Variants in DNAAF11 observed in about 807,000 individuals in gnomAD.
DNAAF11 encodes dynein axonemal assembly factor 11, also known as leucine rich repeat containing 6.
In DNAAF11, 45 loss-of-function variants were observed where a neutral mutation model predicts 60.8. The ratio of observed to expected loss-of-function variants is 0.74; its 90% CI spans 0.58 to 0.95. The LOEUF is 0.95. Ranked by LOEUF, DNAAF11 falls within the 40% of genes least tolerant of loss-of-function variation. DNAAF11 has a pLI of 0.00. For synonymous variants in DNAAF11, 191 were observed against 183.5 expected (o/e 1.04, Z -0.33); for missense variants, 546 against 546.2 (o/e 1.00, Z 0.00).
At chr8:132,679,022 A>G (rs771673216), upstream of DNAAF11, among the ~76,000 whole-genome samples, 5 of 151,980 alleles carry the variant, frequency 3.3e-5, no homozygotes, top group Non-Finnish European at 7.4e-5. Context: ...AACACTGCCC[A>G]TGTACTTTGA....
Position 132,638,023 on chromosome 8 carries a change from T to C in DNAAF11, c.341A>G (p.His114Arg). 1 of 1,614,134 alleles carries C rather than the reference T, an allele frequency of 6.2e-7. No homozygotes were observed. Residue 114 changes from histidine to arginine, a missense_variant, in exon 4 of 12, where the codon CAT (histidine) becomes CGT (arginine). His to Arg is a conservative substitution (Grantham distance 29). Transcript: ENST00000620350. ...CCCCATGAGAAAGAGCTCCTTCAGA[T>C]GGATATTGTGCTGCAAGTTTTTAAT... ...SSIKNLQHNI[H>R]LKELFLMGNP...
At chr8:132,643,577 A>G (rs777223131) in intron 3 of DNAAF11, 31 of 453,686 alleles carry the variant, frequency 6.8e-5, no homozygotes, top group South Asian at 1.1e-4. Context: ...TATCCTGTCA[A>G]TGTCATATGA....
chr8:132,611,461 A>G (rs1818662018), intron 8 of DNAAF11, 98 bp from the exon 9 acceptor site: 1 of 631,270 alleles, frequency 1.6e-6, no homozygotes, highest in Non-Finnish European at 2.7e-6. Context: ...TTTTAAATGA[A>G]GGGCGTTTAA....
intron 10 of DNAAF11, among the ~76,000 whole-genome samples, chr8:132,600,848 A>T (rs1315654224): frequency 6.6e-6 from 1 of 152,232 alleles, no homozygotes; most frequent in African/African-American, 2.4e-5. Flanking sequence ...AATACCATTC[A>T]GGACATAGGC....
chr8:132,639,092 G>A (rs1277069956), intron 3 of DNAAF11, among the ~76,000 whole-genome samples: 1 of 152,178 alleles, frequency 6.6e-6, no homozygotes, highest in East Asian at 1.9e-4. Context: ...CAGTAAACAT[G>A]AGCTATGATT....
At chr8:132,579,649 G>C (rs1012392229) in intron 11 of DNAAF11, among the ~76,000 whole-genome samples, 2 of 152,064 alleles carry the variant, frequency 1.3e-5, no homozygotes, top group African/African-American at 2.4e-5. Context: ...GGGGGGAAAG[G>C]GTTGGTCCAA....
Position 132,632,885 on chromosome 8 carries a change from T to C in DNAAF11, c.508A>G (p.Arg170Gly), listed in dbSNP as rs766487177. Residue 170 changes from arginine (R) to glycine (G), a missense_variant, in exon 5 of 12, where the codon AGA (arginine) becomes GGA (glycine). By Grantham distance (125) the Arg-to-Gly change is moderately radical (BLOSUM62 -2). Coordinates refer to ENST00000620350, the MANE Select transcript of DNAAF11 (RefSeq NM_012472.6). ...AGACAGTGATCTTTTTCCTGCTCTC[T>C]GATTTGTGGTTCAATTACTGAATAG... Reference protein sequence around the residue: ...QDYSVIEPQIREQEKDHCLKR... With the variant: ...QDYSVIEPQIGEQEKDHCLKR... 4.3e-6 allele frequency: 7 copies of C among 1,613,858 alleles called. No individual in the cohort carries two copies. In the African/African-American group the frequency reaches 8.0e-5, roughly 18 times the overall value.
intron 3 of DNAAF11, among the ~76,000 whole-genome samples, chr8:132,653,128 A>C (rs1323214871): frequency 6.6e-6 from 1 of 152,238 alleles, no homozygotes; most frequent in African/African-American, 2.4e-5. Context: ...GTATAATACT[A>C]CTAAAATCCA....
At chr8:132,592,480 G>T (rs1816567110) in intron 10 of DNAAF11, among the ~76,000 whole-genome samples, 1 of 152,154 alleles carries the variant, frequency 6.6e-6, no homozygotes, top group Non-Finnish European at 1.5e-5. Context: ...GCTTTAGAAG[G>T]GGAGACAGTA....
At chr8:132,662,636 T>G (rs1824248993) in intron 1 of DNAAF11, among the ~76,000 whole-genome samples, 1 of 152,340 alleles carries the variant, frequency 6.6e-6, no homozygotes, top group South Asian at 2.1e-4. Flanking sequence ...ATTTGTCAGA[T>G]GAGGAAGTAA....
chr8:132,634,554 C>T (rs569342217), intron 4 of DNAAF11, among the ~76,000 whole-genome samples: 2 of 151,870 alleles, frequency 1.3e-5, no homozygotes, highest in African/African-American at 4.8e-5. Flanking sequence ...TTAATTTGAT[C>T]TAATTTAATA....
chr8:132,646,725 C>G (rs1000263074), intron 3 of DNAAF11, among the ~76,000 whole-genome samples: 3 of 152,102 alleles, frequency 2.0e-5, no homozygotes, highest in African/African-American at 7.2e-5. Flanking sequence ...TTTAAACCAA[C>G]AAAGATCAAA....
Position 132,658,331 on chromosome 8 carries a change from CT to C in DNAAF11, c.179-1425del, listed in dbSNP as rs1382668590. ...TCAAAGATTTGGAGGTTTCTTTTTTCTTTTTTTAAGAGACAGAGTCTCACTC... is the reference window on the plus strand; with the variant it reads ...TCAAAGATTTGGAGGTTTCTTTTTTCTTTTTTAAGAGACAGAGTCTCACTC... On this transcript the variant is annotated intron_variant, in intron 2 of 11. Coordinates refer to ENST00000620350, the MANE Select transcript of DNAAF11 (RefSeq NM_012472.6). 2.6e-5 allele frequency among the ~76,000 whole-genome samples: 4 copies of C among 151,980 alleles called. No individual in the cohort carries two copies. In the East Asian group the frequency reaches 7.7e-4, roughly 29 times the overall value.
chr8:132,589,667 C>A (rs1020882842), intron 10 of DNAAF11, among the ~76,000 whole-genome samples: 2 of 152,176 alleles, frequency 1.3e-5, no homozygotes, highest in African/African-American at 2.4e-5. Flanking sequence ...TCTAAATGTG[C>A]ATAATGACTG....
chr8:132,650,384 C>T (rs1343115656), intron 3 of DNAAF11, among the ~76,000 whole-genome samples: 15 of 139,474 alleles, frequency 1.1e-4, no homozygotes, highest in African/African-American at 2.9e-4. Flanking sequence ...GGGGGGAGGG[C>T]GGAGGGATAG....
chr8:132,674,811 C>T (rs978950045), intron 1 of DNAAF11, among the ~76,000 whole-genome samples: 1 of 152,232 alleles, frequency 6.6e-6, no homozygotes, highest in Non-Finnish European at 1.5e-5. Flanking sequence ...TTGCTTGAAC[C>T]CGGGAGGCGG....
At chr8:132,633,168 A>T (rs1820975620) in intron 4 of DNAAF11, among the ~76,000 whole-genome samples, 1 of 152,154 alleles carries the variant, frequency 6.6e-6, no homozygotes, top group African/African-American at 2.4e-5. Flanking sequence ...CTTTACTAGT[A>T]ATAATAATAA....
chr8:132,627,806 T>C (rs1363640161), intron 5 of DNAAF11, among the ~76,000 whole-genome samples: 1 of 152,152 alleles, frequency 6.6e-6, no homozygotes, highest in Non-Finnish European at 1.5e-5. Flanking sequence ...AGGAGAAGAA[T>C]GTGAACATGC....
chr8:132,606,679 TTTTA>T (rs773074595), intron 10 of DNAAF11, among the ~76,000 whole-genome samples: 23,994 of 152,054 alleles, frequency 0.16, 2,942 homozygotes, highest in African/African-American at 0.34. Flanking sequence ...CTAATTTTAA[TTTTA>T]ATTTTTATTT....
Sources: allele counts gnomAD v4.1 joint callset (sites outside exome capture counted in the v4.1 genomes callset), GRCh38; gene constraint gnomAD v4.1.1; transcripts MANE v1.5; gene names NCBI Gene and HGNC (gene_info 2026-07-23, HGNC 2026-07-21).